BMP6: variants seen among roughly 807,000 people sequenced by gnomAD.
BMP6 encodes the protein VG-1-R.
Under a neutral mutation model 54.1 loss-of-function variants are expected in BMP6, and 17 were observed. That is an observed-to-expected ratio of 0.31 (90% CI 0.22 to 0.47). The LOEUF (loss-of-function observed/expected upper bound fraction) is 0.47. Among genes scored for constraint, BMP6 ranks in the 20% least tolerant of loss-of-function variants. The pLI, the probability that BMP6 is intolerant of heterozygous loss-of-function variation, is 1.00. For synonymous variants in BMP6, 328 were observed against 291.2 expected, an observed-to-expected ratio of 1.13 and a Z score of -1.28; for missense variants, 720 against 690.4, an observed-to-expected ratio of 1.04 and a Z score of -0.48.
intron 2 of BMP6, among the ~76,000 whole-genome samples, chr6:7,848,964 C>G (rs893571834): frequency 1.3e-5 from 2 of 152,132 alleles, no homozygotes; most frequent in African/African-American, 4.8e-5. Context: ...ATAGACAGGG[C>G]AGGCATGTTA....
intron 4 of BMP6, among the ~76,000 whole-genome samples, chr6:7,871,404 T>TAAG (rs1759521887): frequency 6.6e-6 from 1 of 152,240 alleles, no homozygotes. Flanking sequence ...TCTGCCTGTG[T>TAAG]AAGAGCAGGC....
intron 4 of BMP6, among the ~76,000 whole-genome samples, chr6:7,875,661 C>T (rs571772411): frequency 6.6e-6 from 1 of 152,154 alleles, no homozygotes; most frequent in Non-Finnish European, 1.5e-5. Context: ...GAGCAAAACC[C>T]CATTGCAGAA....
intron 1 of BMP6, among the ~76,000 whole-genome samples, chr6:7,796,600 C>G (rs2113191293): frequency 6.6e-6 from 1 of 152,200 alleles, no homozygotes; most frequent in Middle Eastern, 3.4e-3. Flanking sequence ...AAAAAACCAT[C>G]CGTATGCCCT....
chr6:7,740,038 G>T (rs1762018803), intron 1 of BMP6, among the ~76,000 whole-genome samples: 1 of 152,100 alleles, frequency 6.6e-6, no homozygotes, highest in African/African-American at 2.4e-5. Context: ...TGCACACTGG[G>T]CTGAGACAGG....
At chr6:7,791,739 G>A (rs73381623) in intron 1 of BMP6, among the ~76,000 whole-genome samples, 1,859 of 152,232 alleles carry the variant, frequency 0.012, 42 homozygotes, top group African/African-American at 0.041. Flanking sequence ...GAATGACGTT[G>A]CCATGTACTC....
chr6:7,849,875 A>G (rs1281980497), intron 2 of BMP6, among the ~76,000 whole-genome samples: 2 of 152,186 alleles, frequency 1.3e-5, no homozygotes, highest in South Asian at 2.1e-4. Context: ...TGTGTGTATG[A>G]TAACTTTTCT....
intron 1 of BMP6, among the ~76,000 whole-genome samples, chr6:7,728,284 C>T (rs916648338): frequency 6.6e-6 from 1 of 152,238 alleles, no homozygotes; most frequent in Non-Finnish European, 1.5e-5. Context: ...CCATCCTGTG[C>T]CCCGGCTCAC....
rs776339955 is a variant in BMP6, at chr6:7,879,191, C to A, written c.1281+41C>A. 5.1e-6 allele frequency: 8 copies of A among 1,562,040 alleles called. No homozygotes were observed. In the Admixed American group the frequency reaches 1.2e-4, roughly 23 times the overall value. Reference sequence around the variant, plus strand: ...ACGGGGGATAAAGGTCCTTTCTCAGCAGTTTACTCTCATCTGAATGGTGGC... The same window carrying A: ...ACGGGGGATAAAGGTCCTTTCTCAGAAGTTTACTCTCATCTGAATGGTGGC... On this transcript the variant is annotated intron_variant, in intron 5 of 6. Transcript: ENST00000283147.
At chr6:7,802,571 T>TGAGG (rs1204176314) in intron 1 of BMP6, among the ~76,000 whole-genome samples, 1 of 151,796 alleles carries the variant, frequency 6.6e-6, no homozygotes, top group African/African-American at 2.4e-5. Context: ...CGGGATTGAG[T>TGAGG]GAGGACAACA....
chr6:7,825,064 C>A (rs1291908349), intron 1 of BMP6, among the ~76,000 whole-genome samples: 5 of 152,206 alleles, frequency 3.3e-5, no homozygotes, highest in Non-Finnish European at 5.9e-5. Context: ...TGCCTGCAAT[C>A]CCAGCACTTT....
rs1440598209 is a variant in BMP6, at chr6:7,726,457, T to A, written c.-499T>A. Among the ~76,000 whole-genome samples, 1 of 152,124 alleles carries A rather than the reference T, an allele frequency of 6.6e-6. No homozygotes were observed. Among genetic ancestry groups the A allele is most frequent in the Non-Finnish European group, 1.5e-5 (1 of 68,002 alleles). On this transcript the variant is annotated 5_prime_UTR_variant, in exon 1 of 7. Transcript: ENST00000283147. ...AACGGGGTAAACTTCATGGTGGCCC[T>A]GCGATCTGGGGAGGGGCGTGCGCCA... is the stretch of plus-strand genomic sequence containing the variant.
At chr6:7,732,649 CTA>C (rs1439271850) in intron 1 of BMP6, among the ~76,000 whole-genome samples, 1 of 151,934 alleles carries the variant, frequency 6.6e-6, no homozygotes, top group Non-Finnish European at 1.5e-5. Context: ...TTTTACTTGA[CTA>C]TGAATACTGG....
At chr6:7,838,438 C>T (rs187873738) in intron 1 of BMP6, among the ~76,000 whole-genome samples, 25 of 152,248 alleles carry the variant, frequency 1.6e-4, no homozygotes, top group East Asian at 3.9e-4. Context: ...GTCTCACTTA[C>T]GAACTCACAC....
intron 1 of BMP6, among the ~76,000 whole-genome samples, chr6:7,814,246 A>G (rs1758489570): frequency 6.6e-6 from 1 of 152,232 alleles, no homozygotes. Context: ...ACTGATTAGT[A>G]ACCTTAATTA....
intron 4 of BMP6, among the ~76,000 whole-genome samples, chr6:7,870,899 G>A (rs1205999068): frequency 1.3e-5 from 2 of 152,194 alleles, no homozygotes; most frequent in Non-Finnish European, 1.5e-5. Flanking sequence ...AAAGTGCTGG[G>A]ATTACAGGCG....
intron 1 of BMP6, among the ~76,000 whole-genome samples, chr6:7,735,064 C>T (rs192045886): frequency 6.6e-6 from 1 of 152,328 alleles, no homozygotes; most frequent in African/African-American, 2.4e-5. Context: ...CAGCTGGCCA[C>T]GGGGGGAAGT....
chr6:7,785,123 G>A (rs1041321880), intron 1 of BMP6, among the ~76,000 whole-genome samples: 1 of 152,212 alleles, frequency 6.6e-6, no homozygotes, highest in African/African-American at 2.4e-5. Context: ...GTGTATGGTA[G>A]TACACCAGAT....
intron 1 of BMP6, among the ~76,000 whole-genome samples, chr6:7,832,818 G>T (rs1407780218): frequency 2.0e-5 from 3 of 150,272 alleles, no homozygotes; most frequent in African/African-American, 4.9e-5. Flanking sequence ...GAGAAGGAAA[G>T]CTCACTTCCA....
rs1167912474 is a variant in BMP6, at chr6:7,726,224, G to A, written c.-732G>A. Among the ~76,000 whole-genome samples the A allele has an allele frequency of 6.6e-6, 1 of 152,186 alleles. No homozygotes were observed. The highest frequency in any genetic ancestry group is 1.5e-5 in the Non-Finnish European group (1 of 68,022). On this transcript the variant is annotated 5_prime_UTR_variant, in exon 1 of 7. Transcript: ENST00000283147. ...TTCCTTCCCATCCTTTCTGCGAGCG[G>A]GTTTGCTGGGCAGCCGGGCGACCGC...
Sources: gnomAD v4.1 joint callset for allele counts (sites outside exome capture counted in the v4.1 genomes callset) on GRCh38, gnomAD v4.1.1 for gene constraint, MANE v1.5 for transcripts, NCBI Gene and HGNC (gene_info 2026-07-23, HGNC 2026-07-21) for gene names.